Variants in PCDHGA9 observed in about 807,000 individuals in gnomAD.
PCDHGA9 encodes protocadherin gamma subfamily A, 9.
PCDHGA9 carries 37 observed loss-of-function variants against 62.5 expected under a neutral mutation model. The ratio of observed to expected loss-of-function variants is 0.59; its 90% CI spans 0.46 to 0.78. The LOEUF (loss-of-function observed/expected upper bound fraction) is 0.78. Ranked by LOEUF, PCDHGA9 falls within the 30% of genes least tolerant of loss-of-function variation. The pLI is 0.00. For synonymous variants in PCDHGA9, 459 were observed against 484.6 expected (o/e 0.95, Z 0.69); for missense variants, 1,138 against 1,166.2 (o/e 0.98, Z 0.35).
Position 141,410,082 on chromosome 5 carries a change from G to A in PCDHGA9, c.2424+4706G>A, listed in dbSNP as rs780485949. 1.6e-5 allele frequency: 25 copies of A among 1,612,386 alleles called. No individual in the cohort carries two copies. The Admixed American group carries it at 3.8e-4, about 25-fold the overall frequency. On this transcript the variant is annotated intron_variant, in intron 1 of 3. Transcript: ENST00000573521. ...CTGGGGCTGCGCACTGGGGAGGTGC[G>A]CACGGCTCGAGCCTTAGGCGACAGG... is the stretch of plus-strand genomic sequence containing the variant.
chr5:141,420,225 C>G, intron 1 of PCDHGA9: 1 of 1,603,470 alleles, frequency 6.2e-7, no homozygotes. Flanking sequence ...ATGCTACTGG[C>G]TAGCATTTTA....
chr5:141,509,027 A>G (rs1409179803), intron 3 of PCDHGA9, among the ~76,000 whole-genome samples: 1 of 151,700 alleles, frequency 6.6e-6, no homozygotes, highest in Non-Finnish European at 1.5e-5. Flanking sequence ...GCTCCCTCCC[A>G]CTCAACCCCT....
intron 1 of PCDHGA9, among the ~76,000 whole-genome samples, chr5:141,481,789 T>TAAAAATAC (rs972511310): frequency 3.3e-5 from 5 of 151,186 alleles, no homozygotes; most frequent in African/African-American, 1.2e-4. Flanking sequence ...CCGTCTCTAC[T>TAAAAATAC]AAAAATACAA....
chr5:141,428,015 A>G, intron 1 of PCDHGA9: 5 of 1,604,042 alleles, frequency 3.1e-6, no homozygotes, highest in Non-Finnish European at 3.4e-6. Flanking sequence ...ATATAGTGCC[A>G]CGCGCCGCAG....
In PCDHGA9 at chr5:141,489,522, C is replaced by T. The variant is rs371948070; in HGVS notation, c.2425-5285C>T. 2.5e-6 allele frequency: 4 copies of T among 1,614,088 alleles called. No individual in the cohort carries two copies. Among genetic ancestry groups the T allele is most frequent in the Non-Finnish European group, 3.4e-6 (4 of 1,180,036 alleles). On this transcript the variant is annotated intron_variant, in intron 1 of 3. Coordinates refer to ENST00000573521, the MANE Select transcript of PCDHGA9 (RefSeq NM_018921.3). The surrounding 1 kb of genome is among the most constrained non-coding windows in gnomAD (Gnocchi z 4.5). ...TGAATCAAAAGATTGACCGAGAAAG[C>T]CTATGTGGAGCCAGCACCAGCTGCC...
At position 141,477,811 on chromosome 5, in the gene PCDHGA9, C is replaced by T. The variant is rs1211574518; in HGVS notation, c.2425-16996C>T. The T allele has an allele frequency of 6.2e-7, 1 of 1,614,164 alleles. No homozygotes were observed. The highest frequency in any genetic ancestry group is 8.5e-7 in the Non-Finnish European group (1 of 1,180,026). ...TCACTGATCGCAATGACAATGCCCC[C>T]CAGGTCCTATATCCTCGGCCAGGTG... is the stretch of plus-strand genomic sequence containing the variant. On this transcript the variant is annotated intron_variant, in intron 1 of 3. Transcript: ENST00000573521. The surrounding 1 kb of genome is among the most constrained non-coding windows in gnomAD (Gnocchi z 4.9).
At chr5:141,426,013 T>C (rs2096909409) in intron 1 of PCDHGA9, among the ~76,000 whole-genome samples, 1 of 152,144 alleles carries the variant, frequency 6.6e-6, no homozygotes, top group Admixed American at 6.5e-5. Flanking sequence ...CCGGCTGCAG[T>C]TTTCTAAATA....
intron 1 of PCDHGA9, chr5:141,410,252 C>T (rs3749768): frequency 0.048 from 77,060 of 1,613,996 alleles, 2,017 homozygotes; most frequent in South Asian, 0.077. Flanking sequence ...ACTCTCTGAC[C>T]CCCAGGCTGA....
At chr5:141,418,851 G>A (rs778281594) in intron 1 of PCDHGA9, 9 of 1,613,906 alleles carry the variant, frequency 5.6e-6, no homozygotes, top group South Asian at 2.2e-5. Context: ...TCAACACGGT[G>A]TAAAGTAATT....
intron 1 of PCDHGA9, among the ~76,000 whole-genome samples, chr5:141,459,682 A>G (rs557568098): frequency 2.4e-4 from 37 of 152,358 alleles, no homozygotes; most frequent in African/African-American, 8.2e-4. Flanking sequence ...AGCAATGCAT[A>G]AAGCGTTCCG....
At chr5:141,444,152 ATTTTTTTTTTTTTTTTTTT>A (rs747671382) in intron 1 of PCDHGA9, among the ~76,000 whole-genome samples, 14 of 33,898 alleles carry the variant, frequency 4.1e-4, no homozygotes, top group South Asian at 3.1e-3. Flanking sequence ...TGTGTACTGG[ATTTTTTTTTTTTTTTTTTT>A]TTTTTTTTTT....
chr5:141,428,546 A>C (rs1476382847), intron 1 of PCDHGA9: 1 of 263,642 alleles, frequency 3.8e-6, no homozygotes, highest in Non-Finnish European at 7.5e-6. Flanking sequence ...ATGACACCAG[A>C]AACAGTCCCC....
At position 141,489,494 on chromosome 5, in the gene PCDHGA9, C is replaced by A. The variant is rs1191408769; in HGVS notation, c.2425-5313C>A. ...CTGAGCTTGATGAGTGGTGCCCTGGCAGTGAATCAAAAGATTGACCGAGAA... is the reference window on the plus strand; with the variant it reads ...CTGAGCTTGATGAGTGGTGCCCTGGAAGTGAATCAAAAGATTGACCGAGAA... On this transcript the variant is annotated intron_variant, in intron 1 of 3. Coordinates refer to ENST00000573521, the MANE Select transcript of PCDHGA9 (RefSeq NM_018921.3). This position sits in a 1 kb window ranked among gnomAD's most constrained non-coding sequence, Gnocchi z 4.5. 1.1e-5 allele frequency: 18 copies of A among 1,613,932 alleles called. No individual in the cohort carries two copies. The highest frequency in any genetic ancestry group is 1.7e-5 in the Admixed American group (1 of 59,998).
Position 141,428,071 on chromosome 5 carries a change from C to T in PCDHGA9, c.2424+22695C>T, listed in dbSNP as rs968712502. ...AAGGTGGTGGCGGTGGACGCAGATTCGGGACACAACGCTTGGCTGTCCTAC... is the reference window on the plus strand; with the variant it reads ...AAGGTGGTGGCGGTGGACGCAGATTTGGGACACAACGCTTGGCTGTCCTAC... On this transcript the variant is annotated intron_variant, in intron 1 of 3. Transcript: ENST00000573521. The T allele has an allele frequency of 5.6e-6, 9 of 1,609,140 alleles. No homozygotes were observed. In the Middle Eastern group the frequency reaches 1.0e-3, roughly 184 times the overall value.
intron 1 of PCDHGA9, among the ~76,000 whole-genome samples, chr5:141,425,696 A>G (rs1033976807): frequency 1.3e-4 from 20 of 152,242 alleles, no homozygotes; most frequent in African/African-American, 4.3e-4. Context: ...ATCATTTCAT[A>G]GTGGTCAAAA....
intron 1 of PCDHGA9, chr5:141,421,454 T>C: frequency 6.2e-7 from 1 of 1,614,132 alleles, no homozygotes; most frequent in Non-Finnish European, 8.5e-7. Flanking sequence ...ACACAGCTTT[T>C]CGCTGTGAAT....
chr5:141,407,599 AAAG>A (rs1328416590), intron 1 of PCDHGA9, among the ~76,000 whole-genome samples: 13 of 152,198 alleles, frequency 8.5e-5, no homozygotes, highest in Admixed American at 2.0e-4. Flanking sequence ...CTCATCTTAA[AAAG>A]AAGCATTGGT....
chr5:141,419,589 C>T (rs1187251820), intron 1 of PCDHGA9: 1 of 1,611,856 alleles, frequency 6.2e-7, no homozygotes, highest in Non-Finnish European at 8.5e-7. Flanking sequence ...CTCTTCGACA[C>T]AGTGCCGCGG....
intron 1 of PCDHGA9, chr5:141,413,715 G>A (rs955570292): frequency 2.5e-6 from 4 of 1,613,472 alleles, no homozygotes; most frequent in Non-Finnish European, 3.4e-6. Context: ...GCCCCAATAA[G>A]CACTTCTCCC....
Sources: allele counts gnomAD v4.1 joint callset (sites outside exome capture counted in the v4.1 genomes callset), GRCh38; gene constraint gnomAD v4.1.1; non-coding constraint Gnocchi (gnomAD v3.1); transcripts MANE v1.5; gene names NCBI Gene and HGNC (gene_info 2026-07-23, HGNC 2026-07-21).